MARCHF1: variants seen among roughly 807,000 people sequenced by gnomAD.
MARCHF1 encodes the protein E3 ubiquitin-protein ligase MARCHF1.
In MARCHF1, 40 loss-of-function variants were observed where a neutral mutation model predicts 54.2. That is an observed-to-expected ratio of 0.74 (90% confidence interval 0.57 to 0.96). The LOEUF (loss-of-function observed/expected upper bound fraction) is 0.96, where lower values mean the gene tolerates loss of function less well. Among genes scored for constraint, MARCHF1 ranks in the 40% least tolerant of loss-of-function variants. The probability of loss-of-function intolerance (pLI) is 0.00; values close to 1 mark genes in which losing one functional copy is unlikely to be tolerated. For synonymous variants in MARCHF1, 236 were observed against 236.3 expected (o/e 1.00, Z 0.01); for missense variants, 586 against 656.5 (o/e 0.89, Z 1.17).
chr4:163,866,054 T>A (rs892718546), intron 3 of MARCHF1, among the ~76,000 whole-genome samples: 2 of 151,762 alleles, frequency 1.3e-5, no homozygotes, highest in Non-Finnish European at 3.0e-5. Context: ...AAGAGTTATA[T>A]ATTTTCTTCT....
intron 4 of MARCHF1, among the ~76,000 whole-genome samples, chr4:163,739,243 T>A (rs901175998): frequency 1.3e-5 from 2 of 152,188 alleles, no homozygotes; most frequent in African/African-American, 2.4e-5. Flanking sequence ...TCCTCCCAAG[T>A]GGTATATTAC....
intron 3 of MARCHF1, among the ~76,000 whole-genome samples, chr4:163,912,064 GGT>G (rs1491283982): frequency 4.0e-4 from 5 of 12,346 alleles, no homozygotes; most frequent in Non-Finnish European, 3.1e-3. Context: ...AGGAATGCAG[GGT>G]TTTTTTTTTT....
chr4:163,891,145 T>C (rs544386255), intron 3 of MARCHF1, among the ~76,000 whole-genome samples: 126 of 152,232 alleles, frequency 8.3e-4, no homozygotes, highest in Non-Finnish European at 1.4e-3. Context: ...TTGAGATCTC[T>C]ATTGTATATG....
rs141033636 is a variant in MARCHF1 at position 163,605,700 on chromosome 4, T to C, written c.1010+6571A>G. Among the ~76,000 whole-genome samples, 436 of 152,236 alleles carry C rather than the reference T, an allele frequency of 2.9e-3. 1 individual carries two copies. Among genetic ancestry groups the C allele is most frequent in the African/African-American group, 0.01 (417 of 41,540 alleles). On this transcript the variant is annotated intron_variant, in intron 7 of 9. Transcript: ENST00000514618. Reference sequence around the variant, plus strand: ...GACTGGATAAGGAAAATGTGGCACATATACACCATGAAATATTATGCAGCC... The same window carrying C: ...GACTGGATAAGGAAAATGTGGCACACATACACCATGAAATATTATGCAGCC...
chr4:163,928,176 T>C (rs572261433), intron 3 of MARCHF1, among the ~76,000 whole-genome samples: 34 of 152,058 alleles, frequency 2.2e-4, no homozygotes, highest in Non-Finnish European at 4.0e-4. Flanking sequence ...TCAACTTCAC[T>C]CACTCATTCT....
intron 1 of MARCHF1, among the ~76,000 whole-genome samples, chr4:164,115,837 A>C (rs1231229849): frequency 6.6e-6 from 1 of 152,098 alleles, no homozygotes; most frequent in Non-Finnish European, 1.5e-5. Flanking sequence ...CTAGAAAGAA[A>C]ATAATTCAAA....
intron 1 of MARCHF1, among the ~76,000 whole-genome samples, chr4:164,215,250 G>T (rs996667921): frequency 6.6e-6 from 1 of 152,134 alleles, no homozygotes; most frequent in African/African-American, 2.4e-5. Flanking sequence ...TTCCCCTGGA[G>T]CATTCGCCAA....
At chr4:163,562,700 T>G (rs992155946) in intron 8 of MARCHF1, among the ~76,000 whole-genome samples, 1 of 152,132 alleles carries the variant, frequency 6.6e-6, no homozygotes, top group Admixed American at 6.5e-5. Context: ...ACTCAACCTT[T>G]CTCAGATTTA....
At chr4:163,973,561 C>T (rs949194618) in intron 3 of MARCHF1, among the ~76,000 whole-genome samples, 7 of 152,310 alleles carry the variant, frequency 4.6e-5, no homozygotes, top group African/African-American at 1.2e-4. Context: ...TGCCCGGAAA[C>T]GGCGTTGGAG....
chr4:163,732,291 G>A (rs1175989680), intron 4 of MARCHF1, among the ~76,000 whole-genome samples: 3 of 152,056 alleles, frequency 2.0e-5, no homozygotes, highest in Admixed American at 6.6e-5. Context: ...GCAACAGTAC[G>A]ATTAGATGTG....
At chr4:163,649,944 T>G (rs1373578468) in intron 5 of MARCHF1, among the ~76,000 whole-genome samples, 1 of 151,980 alleles carries the variant, frequency 6.6e-6, no homozygotes, top group Non-Finnish European at 1.5e-5. Flanking sequence ...GAAGGTGATT[T>G]CTGACTCAGC....
At chr4:163,590,098 T>C (rs1402379219) in intron 7 of MARCHF1, among the ~76,000 whole-genome samples, 1 of 138,626 alleles carries the variant, frequency 7.2e-6, no homozygotes, top group Non-Finnish European at 1.5e-5. Flanking sequence ...CATCTCTTGC[T>C]TTAATGTTTG....
At chr4:164,263,001 CA>C (rs1370410358) in intron 1 of MARCHF1, among the ~76,000 whole-genome samples, 3 of 152,112 alleles carry the variant, frequency 2.0e-5, no homozygotes, top group African/African-American at 7.2e-5. Flanking sequence ...AAGTAAGTTA[CA>C]AATGGCTTCA....
At chr4:163,690,785 G>A (rs1397438258) in intron 5 of MARCHF1, among the ~76,000 whole-genome samples, 1 of 152,190 alleles carries the variant, frequency 6.6e-6, no homozygotes, top group African/African-American at 2.4e-5. Context: ...AATGGTAACA[G>A]ATTGCTGGAC....
At chr4:164,302,180 G>T (rs1021446634) in intron 1 of MARCHF1, among the ~76,000 whole-genome samples, 2 of 152,132 alleles carry the variant, frequency 1.3e-5, no homozygotes, top group African/African-American at 4.8e-5. Context: ...TTCCAATTGA[G>T]CACTGCAGAA....
intron 8 of MARCHF1, among the ~76,000 whole-genome samples, chr4:163,574,665 T>C (rs1164920232): frequency 6.6e-6 from 1 of 151,730 alleles, no homozygotes; most frequent in Non-Finnish European, 1.5e-5. Flanking sequence ...TTCTGTTCCA[T>C]TGATCTATAT....
chr4:164,299,079 A>G (rs1197456995), intron 1 of MARCHF1, among the ~76,000 whole-genome samples: 1 of 152,216 alleles, frequency 6.6e-6, no homozygotes, highest in Non-Finnish European at 1.5e-5. Context: ...CTCCTCATAT[A>G]CACATACTAA....
chr4:164,234,392 T>A (rs544797650), intron 1 of MARCHF1, among the ~76,000 whole-genome samples: 3 of 152,208 alleles, frequency 2.0e-5, no homozygotes, highest in African/African-American at 7.2e-5. Flanking sequence ...GCCAGAAAAT[T>A]TAAACATTTT....
intron 1 of MARCHF1, among the ~76,000 whole-genome samples, chr4:164,366,101 A>T (rs1324933108): frequency 6.6e-6 from 1 of 152,092 alleles, no homozygotes; most frequent in Non-Finnish European, 1.5e-5. Context: ...TCATAAATAG[A>T]ACTATGAATA....
Sources: allele counts gnomAD v4.1 joint callset (sites outside exome capture counted in the v4.1 genomes callset), GRCh38; gene constraint gnomAD v4.1.1; transcripts MANE v1.5; gene names NCBI Gene and HGNC (gene_info 2026-07-23, HGNC 2026-07-21).